Variants in RBFOX1 observed in about 807,000 individuals in gnomAD.
RBFOX1 encodes RNA binding fox-1 homolog 1.
RBFOX1 carries 8 observed loss-of-function variants against 57.7 expected under a neutral mutation model. The observed-to-expected ratio is 0.14, with a 90% CI of 0.08 to 0.25. RBFOX1 has a LOEUF of 0.25. RBFOX1 is among the 10% of genes least tolerant of loss of function. The pLI, the probability that RBFOX1 is intolerant of heterozygous loss-of-function variation, is 1.00. For synonymous variants in RBFOX1, 326 were observed against 222.4 expected, an observed-to-expected ratio of 1.47 and a Z score of -4.15; for missense variants, 611 against 548.5, an observed-to-expected ratio of 1.11 and a Z score of -1.14.
intron 2 of RBFOX1, among the ~76,000 whole-genome samples, chr16:6,330,221 A>C (rs1195631105): frequency 2.6e-5 from 4 of 152,164 alleles, no homozygotes; most frequent in Non-Finnish European, 5.9e-5. Flanking sequence ...AAAGTTCAAA[A>C]ATACCTTATT....
At chr16:5,424,438 A>G (rs977270184) in intron 1 of RBFOX1, among the ~76,000 whole-genome samples, 1 of 152,136 alleles carries the variant, frequency 6.6e-6, no homozygotes, top group Admixed American at 6.5e-5. Context: ...TAGTCTGTAA[A>G]ATGGACATGC....
At chr16:5,949,425 C>G (rs1398576662) in intron 4 of RBFOX1, among the ~76,000 whole-genome samples, 2 of 148,774 alleles carry the variant, frequency 1.3e-5, no homozygotes, top group African/African-American at 2.5e-5. Flanking sequence ...ACTCGGGAGG[C>G]TGAGGCAGGA....
intron 1 of RBFOX1, among the ~76,000 whole-genome samples, chr16:5,464,397 G>A (rs1313925153): frequency 6.6e-6 from 1 of 152,190 alleles, no homozygotes; most frequent in Non-Finnish European, 1.5e-5. Context: ...AGGAGGAAAC[G>A]CCTTAGGAAA....
intron 1 of RBFOX1, among the ~76,000 whole-genome samples, chr16:5,417,109 G>A (rs900202955): frequency 5.3e-5 from 8 of 152,374 alleles, no homozygotes; most frequent in African/African-American, 1.9e-4. Context: ...GGCAAGAGCT[G>A]TAGCACTGCT....
intron 3 of RBFOX1, among the ~76,000 whole-genome samples, chr16:5,786,664 A>G (rs1445994884): frequency 3.9e-5 from 6 of 151,988 alleles, no homozygotes; most frequent in Non-Finnish European, 8.8e-5. Context: ...CCTCATCCCA[A>G]ACCTGGACAT....
intron 2 of RBFOX1, among the ~76,000 whole-genome samples, chr16:6,397,987 G>T (rs1240347120): frequency 6.6e-6 from 1 of 152,150 alleles, no homozygotes. Flanking sequence ...AAAAACAATA[G>T]TAACAAAAAG....
chr16:6,371,877 C>G (rs936644869), intron 2 of RBFOX1, among the ~76,000 whole-genome samples: 1 of 152,194 alleles, frequency 6.6e-6, no homozygotes, highest in Non-Finnish European at 1.5e-5. Context: ...TATCTGATAT[C>G]ACTTGTTATT....
chr16:6,093,896 A>C (rs967982499), intron 1 of RBFOX1, among the ~76,000 whole-genome samples: 2 of 152,090 alleles, frequency 1.3e-5, no homozygotes, highest in Non-Finnish European at 2.9e-5. Context: ...CTGAGATTAC[A>C]GACTGGAGCC....
intron 3 of RBFOX1, among the ~76,000 whole-genome samples, chr16:6,945,895 C>CA (rs916242253): frequency 4.6e-5 from 7 of 152,098 alleles, no homozygotes; most frequent in Admixed American, 2.0e-4. Context: ...TCGTCCCCCA[C>CA]AAAAAAGGAA....
chr16:7,663,255 C>G (rs577486490), intron 12 of RBFOX1, among the ~76,000 whole-genome samples: 1 of 152,334 alleles, frequency 6.6e-6, no homozygotes, highest in African/African-American at 2.4e-5. Flanking sequence ...CGATGCACAC[C>G]TCAGCATCTT....
At position 5,962,822 on chromosome 16, in the gene RBFOX1, T is replaced by G. The variant is rs1372445575; in HGVS notation, c.351+95487T>G. On this transcript the variant is annotated intron_variant, in intron 4 of 19. Coordinates refer to the RBFOX1 transcript ENST00000641259. ...GGTATGAGAAGTGAGGGTTTGGTTT[T>G]TTTTTTTTTTTTTTTAATATATAAT... is the stretch of plus-strand genomic sequence containing the variant. Among the ~76,000 whole-genome samples, 8 of 149,818 alleles carry G rather than the reference T, an allele frequency of 5.3e-5. No homozygotes were observed. The East Asian group carries it at 7.8e-4, about 15-fold the overall frequency.
chr16:6,721,175 G>T (rs1240775105), intron 3 of RBFOX1, among the ~76,000 whole-genome samples: 4 of 152,182 alleles, frequency 2.6e-5, no homozygotes, highest in African/African-American at 4.8e-5. Flanking sequence ...GGGCACGGTG[G>T]CTCACTCCTA....
intron 4 of RBFOX1, among the ~76,000 whole-genome samples, chr16:7,404,423 C>A (rs2098300059): frequency 6.6e-6 from 1 of 152,330 alleles, no homozygotes; most frequent in South Asian, 2.1e-4. Context: ...AAGCTTCTGA[C>A]ATCCAGTGAT....
At chr16:6,025,456 G>C (rs565312368) in intron 1 of RBFOX1, among the ~76,000 whole-genome samples, 1 of 152,314 alleles carries the variant, frequency 6.6e-6, no homozygotes, top group East Asian at 1.9e-4. Context: ...AGCCTACTTA[G>C]ATTTTCTTTC....
intron 3 of RBFOX1, among the ~76,000 whole-genome samples, chr16:6,828,242 C>G (rs146661694): frequency 1.3e-5 from 2 of 152,126 alleles, no homozygotes; most frequent in African/African-American, 2.4e-5. Context: ...GTAAAAATTT[C>G]AGGCCAGGCA....
At chr16:7,543,340 G>C (rs184259693) in intron 5 of RBFOX1, among the ~76,000 whole-genome samples, 45 of 152,314 alleles carry the variant, frequency 3.0e-4, no homozygotes, top group Non-Finnish European at 5.1e-4. Context: ...GATTCTGGGA[G>C]ATATTTGAGA....
Position 6,022,032 on chromosome 16 carries a change from C to G in RBFOX1, c.-127+2040C>G, listed in dbSNP as rs977727234. Among the ~76,000 whole-genome samples the G allele has an allele frequency of 1.1e-3, 174 of 152,230 alleles. 3 individuals carry two copies. The highest frequency in any genetic ancestry group is 3.8e-4 in the Non-Finnish European group (26 of 68,024). On this transcript the variant is annotated intron_variant, in intron 1 of 15. Transcript: ENST00000550418. ...CACACGTTTTCTTTTAAGTAAGGAA[C>G]AGAAGCCTCAAGCTCTCCCATTCTG...
At chr16:7,169,197 T>G (rs1387990600) in intron 4 of RBFOX1, among the ~76,000 whole-genome samples, 1 of 152,206 alleles carries the variant, frequency 6.6e-6, no homozygotes, top group African/African-American at 2.4e-5. Context: ...TTCCTCATAT[T>G]TATATGAACA....
At chr16:5,945,663 C>A (rs1276349879) in intron 4 of RBFOX1, among the ~76,000 whole-genome samples, 1 of 152,214 alleles carries the variant, frequency 6.6e-6, no homozygotes, top group Non-Finnish European at 1.5e-5. Context: ...ATGTGGCTGG[C>A]TTTAGCACCC....
Sources: gnomAD v4.1 joint callset for allele counts (sites outside exome capture counted in the v4.1 genomes callset) on GRCh38, gnomAD v4.1.1 for gene constraint, MANE v1.5 for transcripts, NCBI Gene and HGNC (gene_info 2026-07-23, HGNC 2026-07-21) for gene names.